The following MAGI2 variants were observed in gnomAD, a reference collection of about 807,000 sequenced individuals.
The protein encoded by MAGI2 is membrane-associated guanylate kinase, WW and PDZ domain-containing protein 2.
MAGI2 carries 35 observed loss-of-function variants against 133.3 expected under a neutral mutation model. The ratio of observed to expected loss-of-function variants is 0.26; its 90% CI spans 0.20 to 0.35. The LOEUF (loss-of-function observed/expected upper bound fraction) is 0.35, where lower values mean the gene tolerates loss of function less well. MAGI2 is among the 10% of genes least tolerant of loss of function. The probability of loss-of-function intolerance (pLI) is 1.00; values close to 1 mark genes in which losing one functional copy is unlikely to be tolerated. For synonymous variants in MAGI2, 729 were observed against 710.6 expected (o/e 1.03, Z -0.41); for missense variants, 1,636 against 1,863.4 (o/e 0.88, Z 2.25).
intron 2 of MAGI2, among the ~76,000 whole-genome samples, chr7:78,704,025 C>T (rs182705882): frequency 9.9e-5 from 15 of 152,024 alleles, no homozygotes; most frequent in Admixed American, 3.3e-4. Flanking sequence ...AAAGATTTCA[C>T]GACAAAGATG....
intron 1 of MAGI2, among the ~76,000 whole-genome samples, chr7:79,241,982 A>G (rs1214568738): frequency 6.6e-6 from 1 of 152,084 alleles, no homozygotes; most frequent in Non-Finnish European, 1.5e-5. Context: ...CTGCCTGCCA[A>G]CCCTAGCCTG....
chr7:78,698,056 C>T (rs970988975), intron 2 of MAGI2, among the ~76,000 whole-genome samples: 2 of 152,082 alleles, frequency 1.3e-5, no homozygotes, highest in Non-Finnish European at 2.9e-5. Flanking sequence ...CCATGATTAC[C>T]AAAGTGCCTT....
chr7:79,288,979 A>G (rs957395710), intron 1 of MAGI2, among the ~76,000 whole-genome samples: 1 of 152,154 alleles, frequency 6.6e-6, no homozygotes, highest in Admixed American at 6.6e-5. Flanking sequence ...ATCAAACAGC[A>G]AAGCCATGGC....
intron 3 of MAGI2, among the ~76,000 whole-genome samples, chr7:78,586,021 C>G (rs147988721): frequency 1.3e-3 from 199 of 152,246 alleles, no homozygotes; most frequent in Non-Finnish European, 1.9e-3. Context: ...ACAAAGTAGA[C>G]TCATATACTG....
intron 4 of MAGI2, among the ~76,000 whole-genome samples, chr7:78,505,289 G>C (rs1794985662): frequency 6.6e-6 from 1 of 152,020 alleles, no homozygotes; most frequent in African/African-American, 2.4e-5. Context: ...TAGAAATAAA[G>C]TATCTATTAG....
intron 2 of MAGI2, among the ~76,000 whole-genome samples, chr7:78,727,048 T>A (rs1820890733): frequency 6.6e-6 from 1 of 152,200 alleles, no homozygotes; most frequent in African/African-American, 2.4e-5. Flanking sequence ...TGTACCTATG[T>A]ATCAGCAGCT....
intron 1 of MAGI2, among the ~76,000 whole-genome samples, chr7:79,074,583 T>C (rs1272610865): frequency 6.6e-6 from 1 of 152,244 alleles, no homozygotes; most frequent in Non-Finnish European, 1.5e-5. Flanking sequence ...AGATGTTTAC[T>C]CAGCTCAAAT....
At chr7:78,547,630 T>C (rs1798963183) in intron 3 of MAGI2, among the ~76,000 whole-genome samples, 1 of 152,208 alleles carries the variant, frequency 6.6e-6, no homozygotes, top group Non-Finnish European at 1.5e-5. Context: ...TTGGACAGGA[T>C]GCCATTCTAT....
At chr7:78,408,784 A>G (rs1231759169) in intron 6 of MAGI2, among the ~76,000 whole-genome samples, 1 of 152,122 alleles carries the variant, frequency 6.6e-6, no homozygotes, top group African/African-American at 2.4e-5. Flanking sequence ...ATATATGATA[A>G]TCTTTTTGAA....
At chr7:78,740,803 GCAAA>G (rs1460924731) in intron 2 of MAGI2, among the ~76,000 whole-genome samples, 1 of 152,116 alleles carries the variant, frequency 6.6e-6, no homozygotes, top group Non-Finnish European at 1.5e-5. Context: ...ATATGTGAAA[GCAAA>G]CAAAGAAAGC....
chr7:78,810,039 T>C (rs2151404695), intron 2 of MAGI2, among the ~76,000 whole-genome samples: 1 of 152,286 alleles, frequency 6.6e-6, no homozygotes, highest in South Asian at 2.1e-4. Context: ...TTTCCTACAG[T>C]TTTCCAAGAA....
chr7:78,414,662 A>C (rs1305339188), intron 6 of MAGI2, among the ~76,000 whole-genome samples: 1 of 151,902 alleles, frequency 6.6e-6, no homozygotes, highest in Non-Finnish European at 1.5e-5. Context: ...ACACACACAC[A>C]CCCCTGCCCC....
intron 2 of MAGI2, among the ~76,000 whole-genome samples, chr7:78,997,071 C>T (rs1806374308): frequency 6.6e-6 from 1 of 152,172 alleles, no homozygotes; most frequent in African/African-American, 2.4e-5. Context: ...TAGCTCCCCA[C>T]ATTAGTCTTG....
At chr7:78,528,321 G>T (rs1027255761) in intron 3 of MAGI2, among the ~76,000 whole-genome samples, 1 of 152,136 alleles carries the variant, frequency 6.6e-6, no homozygotes, top group African/African-American at 2.4e-5. Flanking sequence ...AAACTTGCCA[G>T]ATTGTAAGTA....
chr7:78,427,751 T>C (rs1799428458), intron 6 of MAGI2, among the ~76,000 whole-genome samples: 1 of 152,116 alleles, frequency 6.6e-6, no homozygotes. Flanking sequence ...ATTTAATTTA[T>C]ATAAACTTCC....
chr7:78,704,977 GAAC>G (rs1818485394), intron 2 of MAGI2, among the ~76,000 whole-genome samples: 2 of 151,998 alleles, frequency 1.3e-5, no homozygotes, highest in Middle Eastern at 3.4e-3. Flanking sequence ...AGAAAGAAGG[GAAC>G]AACAGACACT....
chr7:78,823,406 AC>A (rs1265287109), intron 2 of MAGI2, among the ~76,000 whole-genome samples: 1 of 151,938 alleles, frequency 6.6e-6, no homozygotes, highest in Non-Finnish European at 1.5e-5. Flanking sequence ...ACATGGTGAA[AC>A]CCCACCTCTA....
chr7:78,816,945 A>G (rs1273365468), intron 2 of MAGI2, among the ~76,000 whole-genome samples: 1 of 152,236 alleles, frequency 6.6e-6, no homozygotes, highest in Non-Finnish European at 1.5e-5. Flanking sequence ...TGCCATAGAT[A>G]GGGATTCCTC....
chr7:79,092,729 G>C (rs1407553783), intron 1 of MAGI2, among the ~76,000 whole-genome samples: 1 of 152,096 alleles, frequency 6.6e-6, no homozygotes, highest in Non-Finnish European at 1.5e-5. Flanking sequence ...CAAATTCTCA[G>C]TGCATTTCTG....
Sources: allele counts gnomAD v4.1 joint callset (sites outside exome capture counted in the v4.1 genomes callset), GRCh38; gene constraint gnomAD v4.1.1; transcripts MANE v1.5; gene names NCBI Gene and HGNC (gene_info 2026-07-23, HGNC 2026-07-21).